Variants in ACCSL observed in about 807,000 individuals in gnomAD.
ACCSL encodes the protein probable inactive 1-aminocyclopropane-1-carboxylate synthase-like protein 2.
In ACCSL, 55 loss-of-function variants were observed where a neutral mutation model predicts 61.7. The observed-to-expected ratio is 0.89, with a 90% confidence interval of 0.72 to 1.12. The LOEUF (loss-of-function observed/expected upper bound fraction) is 1.12. Ranked by LOEUF, ACCSL falls within the 50% of genes most tolerant of loss-of-function variation. The pLI, the probability that ACCSL is intolerant of heterozygous loss-of-function variation, is 0.00. For missense variants in ACCSL, 632 were observed against 698.0 expected (o/e 0.91, Z 1.07); for synonymous variants, 258 against 264.3 (o/e 0.98, Z 0.23).
chr11:44,001,712 G>T, the ACCSL span, among the ~76,000 whole-genome samples: 1 of 151,512 alleles, frequency 6.6e-6, no homozygotes, highest in Non-Finnish European at 1.5e-5. Flanking sequence ...CAGAAAAGGA[G>T]GCCAGCCTTT....
At chr11:44,012,249 C>T in the ACCSL span, among the ~76,000 whole-genome samples, 4 of 151,922 alleles carry the variant, frequency 2.6e-5, no homozygotes, top group Non-Finnish European at 4.4e-5. Context: ...GAGAAACAGG[C>T]TCTCTTATAT....
the ACCSL span, among the ~76,000 whole-genome samples, chr11:44,017,293 G>A: frequency 3.2e-4 from 48 of 152,314 alleles, no homozygotes; most frequent in African/African-American, 1.1e-3. Flanking sequence ...TCCCATGCAA[G>A]GCCTGGTGAA....
chr11:43,973,679 G>A, the ACCSL span, among the ~76,000 whole-genome samples: 2 of 152,148 alleles, frequency 1.3e-5, 1 homozygote, highest in East Asian at 3.8e-4. Context: ...GGAAAAGGTG[G>A]AAGAGCATAA....
rs754176104 is a variant in ACCSL at position 44,050,042 on chromosome 11, T to C, written c.505-20T>C. 6.2e-6 allele frequency: 10 copies of C among 1,614,054 alleles called. No individual in the cohort carries two copies. The East Asian group carries it at 6.7e-5, about 11-fold the overall frequency. On this transcript the variant is annotated intron_variant, in intron 1 of 13. Transcript: ENST00000378832. ...TGGAGCAAGAGGACTGACCTGATCTTGGATTCCTTCCATCTCCAGGGTTTC... is the reference window on the plus strand; with the variant it reads ...TGGAGCAAGAGGACTGACCTGATCTCGGATTCCTTCCATCTCCAGGGTTTC...
At chr11:43,923,101 CGTGGCAG>C in the ACCSL span, among the ~76,000 whole-genome samples, 1 of 152,174 alleles carries the variant, frequency 6.6e-6, no homozygotes. Context: ...TGCCCTAGTG[CGTGGCAG>C]GTCTGTCTGG....
the ACCSL span, among the ~76,000 whole-genome samples, chr11:43,922,883 AT>A: frequency 6.6e-6 from 1 of 152,230 alleles, no homozygotes; most frequent in African/African-American, 2.4e-5. Context: ...TGTCTTCTTT[AT>A]AACAGGCAAC....
At chr11:43,976,040 TA>T in the ACCSL span, among the ~76,000 whole-genome samples, 3 of 152,184 alleles carry the variant, frequency 2.0e-5, no homozygotes, top group Non-Finnish European at 4.4e-5. Flanking sequence ...ATAGTGTGTA[TA>T]GGGGGCAAGA....
chr11:44,017,267 A>G, the ACCSL span, among the ~76,000 whole-genome samples: 2 of 152,194 alleles, frequency 1.3e-5, no homozygotes, highest in African/African-American at 4.8e-5. Flanking sequence ...CTAGGTTAGA[A>G]GAAGGGAGCA....
chr11:43,958,965 A>T, the ACCSL span, among the ~76,000 whole-genome samples: 2 of 151,990 alleles, frequency 1.3e-5, no homozygotes, highest in Admixed American at 1.3e-4. Context: ...TTTGGAGGGG[A>T]TGAACACATG....
At chr11:44,003,374 C>G in the ACCSL span, among the ~76,000 whole-genome samples, 1 of 152,098 alleles carries the variant, frequency 6.6e-6, no homozygotes, top group Non-Finnish European at 1.5e-5. Flanking sequence ...ATTCATAGGC[C>G]TGGCATGGTG....
chr11:43,980,464 G>C, the ACCSL span, among the ~76,000 whole-genome samples: 1 of 151,654 alleles, frequency 6.6e-6, no homozygotes, highest in Non-Finnish European at 1.5e-5. Flanking sequence ...ATTGAGCAAT[G>C]TTTACATAAT....
the ACCSL span, among the ~76,000 whole-genome samples, chr11:43,926,067 G>A: frequency 3.5e-3 from 528 of 152,264 alleles, 5 homozygotes; most frequent in African/African-American, 0.012. Context: ...AGTCAGCAAG[G>A]GTTGGGGAGT....
chr11:44,041,669 T>C, the ACCSL span, among the ~76,000 whole-genome samples: 1 of 152,208 alleles, frequency 6.6e-6, no homozygotes, highest in Non-Finnish European at 1.5e-5. Context: ...CTGTAGATAG[T>C]GATAGTTCAA....
the ACCSL span, among the ~76,000 whole-genome samples, chr11:43,974,764 G>A: frequency 8.5e-5 from 13 of 152,174 alleles, no homozygotes; most frequent in African/African-American, 2.4e-4. Flanking sequence ...GAAAACCTAC[G>A]GCCAACAGCC....
At chr11:44,000,281 T>C in the ACCSL span, among the ~76,000 whole-genome samples, 9 of 151,146 alleles carry the variant, frequency 6.0e-5, no homozygotes, top group East Asian at 1.6e-3. Context: ...TGCACCACCA[T>C]GCTCAGCTAA....
intron 13 of ACCSL, among the ~76,000 whole-genome samples, chr11:44,059,157 G>T (rs569976055): frequency 6.6e-6 from 1 of 152,290 alleles, no homozygotes; most frequent in African/African-American, 2.4e-5. Flanking sequence ...CAGGAGAATT[G>T]CTTGAACCTG....
the ACCSL span, among the ~76,000 whole-genome samples, chr11:44,039,439 T>A: frequency 6.6e-6 from 1 of 151,822 alleles, no homozygotes; most frequent in South Asian, 2.1e-4. Flanking sequence ...CACTAATAAG[T>A]GGGAGCTAAG....
At chr11:43,949,029 G>T in the ACCSL span, among the ~76,000 whole-genome samples, 1 of 152,234 alleles carries the variant, frequency 6.6e-6, no homozygotes, top group Admixed American at 6.5e-5. Flanking sequence ...GTTTGAGCCT[G>T]CAGCATGATT....
At chr11:43,985,668 G>A in the ACCSL span, among the ~76,000 whole-genome samples, 1 of 152,202 alleles carries the variant, frequency 6.6e-6, no homozygotes, top group Non-Finnish European at 1.5e-5. Flanking sequence ...TGGCAAACAG[G>A]AAAAGAGAAA....
Sources: gnomAD v4.1 joint callset for allele counts (sites outside exome capture counted in the v4.1 genomes callset) on GRCh38, gnomAD v4.1.1 for gene constraint, MANE v1.5 for transcripts, NCBI Gene and HGNC (gene_info 2026-07-23, HGNC 2026-07-21) for gene names.